ATCAY: variants seen among roughly 807,000 people sequenced by gnomAD.
The protein encoded by ATCAY is ATCAY kinesin light chain interacting caytaxin, also known as caytaxin.
Under a neutral mutation model 47.7 loss-of-function variants are expected in ATCAY, and 22 were observed. That is an observed-to-expected ratio of 0.46 (90% CI 0.33 to 0.66). ATCAY has a LOEUF of 0.66. Ranked by LOEUF, ATCAY falls within the 30% of genes least tolerant of loss-of-function variation. The probability of loss-of-function intolerance (pLI) is 0.02; values close to 1 mark genes in which losing one functional copy is unlikely to be tolerated. For synonymous variants in ATCAY, 216 were observed against 207.6 expected, an observed-to-expected ratio of 1.04 and a Z score of -0.35; for missense variants, 452 against 515.0, an observed-to-expected ratio of 0.88 and a Z score of 1.18.
chr19:3,916,721 C>T (rs1163009807), intron 9 of ATCAY, among the ~76,000 whole-genome samples: 1 of 151,744 alleles, frequency 6.6e-6, no homozygotes, highest in Non-Finnish European at 1.5e-5. Context: ...GTCTCAAACT[C>T]CCCACCTCAG....
At position 3,908,386 on chromosome 19, in the gene ATCAY, C is replaced by T. The variant is rs541062156; in HGVS notation, c.647+16C>T. The T allele has an allele frequency of 7.0e-6, 11 of 1,563,558 alleles. No homozygotes were observed. The highest frequency in any genetic ancestry group is 2.4e-5 in the East Asian group (1 of 42,242). On this transcript the variant is annotated intron_variant, in intron 6 of 12. Coordinates refer to ENST00000450849, the MANE Select transcript of ATCAY (RefSeq NM_033064.5). ...ACCTCTTCCTGTGAGTCCCCGCCCG[C>T]GGCGAGCAGCCTCGGGCCAGCTCTG...
chr19:3,903,262 C>T (rs2145240589), intron 3 of ATCAY, among the ~76,000 whole-genome samples: 1 of 152,062 alleles, frequency 6.6e-6, no homozygotes, highest in South Asian at 2.1e-4. Context: ...GCGTGAGCCA[C>T]CACGCCTGGC....
In ATCAY at chr19:3,887,739, G is replaced by A. The variant is rs893357082; in HGVS notation, c.77+1895G>A. 8.7e-5 allele frequency among the ~76,000 whole-genome samples: 13 copies of A among 149,628 alleles called. 1 individual carries two copies. The highest frequency in any genetic ancestry group is 4.7e-4 in the Admixed American group (7 of 14,998). ...CTGACCTCGTGATCCGCCCACCTCG[G>A]CCTCCCAAAGTGCTGGGATTACAGG... is the stretch of plus-strand genomic sequence containing the variant. On this transcript the variant is annotated intron_variant, in intron 2 of 12. Transcript: ENST00000450849.
At chr19:3,913,732 C>T (rs1168169281) in intron 8 of ATCAY, 26 bp from the exon 9 acceptor site, 2 of 1,595,726 alleles carry the variant, frequency 1.3e-6, no homozygotes, top group South Asian at 2.2e-5. Context: ...GCATTTCAGA[C>T]CTCTCCCTCC....
In ATCAY at chr19:3,907,586, G is replaced by A; in HGVS notation, c.359-148G>A. 1 of 916,376 alleles carries A rather than the reference G, an allele frequency of 1.1e-6. No individual in the cohort carries two copies. The highest frequency in any genetic ancestry group is 1.6e-6 in the Non-Finnish European group (1 of 610,130). The allele number at this position is 916,376 out of a possible 1,614,324, so 56.8% of individuals were successfully genotyped here. A position where few individuals can be genotyped will look rare whatever the true frequency, so the allele number is the denominator to read the frequency against. ...TGAAAGGGGAGTAGGAGAGGAAAAT[G>A]GGTCAGCAGGGCAGCCAGGTGGGGA... On this transcript the variant is annotated intron_variant, in intron 4 of 12. Transcript: ENST00000450849. The surrounding 1 kb of genome is among the most constrained non-coding windows in gnomAD (Gnocchi z 5.1).
chr19:3,886,318 C>T (rs764325388), intron 2 of ATCAY, among the ~76,000 whole-genome samples: 38 of 152,046 alleles, frequency 2.5e-4, no homozygotes, highest in Non-Finnish European at 4.6e-4. Flanking sequence ...GCATGCCGGG[C>T]GCAGTGACTC....
chr19:3,904,635 T>C (rs938838723), intron 3 of ATCAY, among the ~76,000 whole-genome samples: 4 of 149,230 alleles, frequency 2.7e-5, no homozygotes, highest in East Asian at 2.0e-4. Flanking sequence ...AAAATATGTA[T>C]ACACACACAC....
In ATCAY at chr19:3,920,780, CAGA is replaced by C. The variant is rs764748415; in HGVS notation, c.1092_1094del (p.Glu364del). On this transcript the variant is annotated inframe_deletion, in exon 12 of 13. Coordinates refer to ENST00000450849, the MANE Select transcript of ATCAY (RefSeq NM_033064.5). ...CTCCTCCACAGGTCTGCTCTGGTCT[CAGA>C]AGATCAGGAAACAAGGTGGGTGTGA... 5 of 1,613,762 alleles carry C rather than the reference CAGA, an allele frequency of 3.1e-6. No homozygotes were observed. Among genetic ancestry groups the C allele is most frequent in the Non-Finnish European group, 4.2e-6 (5 of 1,179,774 alleles).
At position 3,922,956 on chromosome 19, in the gene ATCAY, G is replaced by A. The variant is rs555303902; in HGVS notation, c.1107-1627G>A. ...GAGACGGGGTTTCACCATGTTAGCC[G>A]GGATGGTCTCGATCTCCTGACCTCG... On this transcript the variant is annotated intron_variant, in intron 12 of 12. Transcript: ENST00000450849. Among the ~76,000 whole-genome samples the A allele has an allele frequency of 4.0e-4, 61 of 151,936 alleles. No homozygotes were observed. The South Asian group carries it at 0.011, about 29-fold the overall frequency.
At chr19:3,887,912 G>A (rs982388353) in intron 2 of ATCAY, among the ~76,000 whole-genome samples, 6 of 151,168 alleles carry the variant, frequency 4.0e-5, no homozygotes, top group Non-Finnish European at 1.5e-5. Flanking sequence ...TTTGAGACCA[G>A]CCTGGCCGAC....
At chr19:3,918,643 G>A (rs1219758015) in intron 10 of ATCAY, among the ~76,000 whole-genome samples, 163 bp from the exon 11 acceptor site, 1 of 152,178 alleles carries the variant, frequency 6.6e-6, no homozygotes, top group Non-Finnish European at 1.5e-5. Context: ...CAGAGTCTTG[G>A]TCCCAGAAGT....
At chr19:3,887,599 G>C (rs995642587) in intron 2 of ATCAY, among the ~76,000 whole-genome samples, 1 of 150,956 alleles carries the variant, frequency 6.6e-6, no homozygotes, top group Non-Finnish European at 1.5e-5. Context: ...CCATTCTCCT[G>C]CCTCAGCCTC....
At chr19:3,924,537 T>C (rs758865529) in intron 12 of ATCAY, 46 bp from the exon 13 acceptor site, 4 of 1,613,124 alleles carry the variant, frequency 2.5e-6, no homozygotes, top group Non-Finnish European at 3.4e-6. Flanking sequence ...ATTTTGCACT[T>C]TTAACATTAA....
At chr19:3,920,986 G>T in intron 12 of ATCAY, 188 bp downstream of exon 12, 3 of 701,780 alleles carry the variant, frequency 4.3e-6, no homozygotes, top group Non-Finnish European at 7.5e-6. Flanking sequence ...CACCGGGAAG[G>T]CAGGGAGGTA....
intron 3 of ATCAY, among the ~76,000 whole-genome samples, chr19:3,904,895 T>A (rs1213838010): frequency 6.6e-6 from 1 of 151,878 alleles, no homozygotes; most frequent in East Asian, 1.9e-4. Flanking sequence ...AGTTTCACTC[T>A]GTCACCCAGG....
At chr19:3,912,415 G>C (rs547268185) in intron 8 of ATCAY, among the ~76,000 whole-genome samples, 2 of 151,838 alleles carry the variant, frequency 1.3e-5, no homozygotes, top group African/African-American at 4.8e-5. Context: ...CCGGGTTCAC[G>C]CTATTCTGCC....
intron 3 of ATCAY, 119 bp downstream of exon 3, chr19:3,902,664 T>C: frequency 8.8e-7 from 1 of 1,142,084 alleles, no homozygotes; most frequent in East Asian, 2.7e-5. Flanking sequence ...GAATGTTCTG[T>C]CCTGGGGTCT....
At chr19:3,911,320 C>T (rs1220497084) in intron 8 of ATCAY, among the ~76,000 whole-genome samples, 1 of 152,020 alleles carries the variant, frequency 6.6e-6, no homozygotes, top group Non-Finnish European at 1.5e-5. Context: ...GAGCCGTGAT[C>T]GAGCCACTGT....
At chr19:3,906,184 AAG>A (rs531580915) in intron 4 of ATCAY, among the ~76,000 whole-genome samples, 6 of 148,532 alleles carry the variant, frequency 4.0e-5, no homozygotes, top group East Asian at 4.1e-4. Context: ...AAAAAAAAAA[AAG>A]AGAGAGAGAG....
Sources: gnomAD v4.1 joint callset for allele counts (sites outside exome capture counted in the v4.1 genomes callset) on GRCh38, gnomAD v4.1.1 for gene constraint, Gnocchi (gnomAD v3.1) non-coding constraint, MANE v1.5 for transcripts, NCBI Gene and HGNC (gene_info 2026-07-23, HGNC 2026-07-21) for gene names.